The following SPAG16 variants were observed in gnomAD, a reference collection of about 807,000 sequenced individuals.
SPAG16 encodes sperm-associated antigen 16 protein.
SPAG16 carries 86 observed loss-of-function variants against 80.4 expected under a neutral mutation model. The observed-to-expected ratio is 1.07, with a 90% CI of 0.90 to 1.28. The LOEUF (loss-of-function observed/expected upper bound fraction) is 1.28. SPAG16 is among the 50% of genes most tolerant of loss of function. The pLI is 0.00. For synonymous variants in SPAG16, 294 were observed against 265.9 expected, an observed-to-expected ratio of 1.11 and a Z score of -1.03; for missense variants, 870 against 765.3, an observed-to-expected ratio of 1.14 and a Z score of -1.61.
chr2:213,704,000 T>C (rs2065625190), intron 10 of SPAG16, among the ~76,000 whole-genome samples: 1 of 152,220 alleles, frequency 6.6e-6, no homozygotes, highest in Non-Finnish European at 1.5e-5. Context: ...TACCTACTTA[T>C]TGAGAGTGTT....
intron 15 of SPAG16, among the ~76,000 whole-genome samples, chr2:214,259,288 G>T (rs1362108225): frequency 1.3e-5 from 2 of 151,470 alleles, no homozygotes; most frequent in East Asian, 3.9e-4. Context: ...TGGCTGGGTT[G>T]TTTGGCATTT....
chr2:213,368,794 G>C (rs1237538184), intron 8 of SPAG16, among the ~76,000 whole-genome samples: 1 of 152,150 alleles, frequency 6.6e-6, no homozygotes, highest in African/African-American at 2.4e-5. Context: ...GCCAAATCAT[G>C]AGTCAAATCC....
At chr2:213,879,264 T>C (rs772090746) in intron 11 of SPAG16, among the ~76,000 whole-genome samples, 6 of 152,058 alleles carry the variant, frequency 3.9e-5, no homozygotes, top group Non-Finnish European at 8.8e-5. Flanking sequence ...ATATTCATTC[T>C]TCCAATTCAT....
intron 10 of SPAG16, among the ~76,000 whole-genome samples, chr2:213,856,643 C>G (rs10932507): frequency 0.34 from 52,298 of 152,024 alleles, 9,458 homozygotes; most frequent in South Asian, 0.47. Flanking sequence ...CCCCCACAGG[C>G]CCAACACATG....
At chr2:213,773,195 A>G (rs2069363831) in intron 10 of SPAG16, among the ~76,000 whole-genome samples, 1 of 151,984 alleles carries the variant, frequency 6.6e-6, no homozygotes, top group Admixed American at 6.6e-5. Flanking sequence ...ATCATGTCTT[A>G]GTTTCAGGCA....
intron 10 of SPAG16, among the ~76,000 whole-genome samples, chr2:213,705,282 G>C (rs1278315780): frequency 6.6e-6 from 1 of 151,502 alleles, no homozygotes; most frequent in Non-Finnish European, 1.5e-5. Flanking sequence ...GAGGGAGGGA[G>C]GAAGGGAGGG....
chr2:214,284,899 T>C (rs557985671), intron 15 of SPAG16, among the ~76,000 whole-genome samples: 1 of 152,292 alleles, frequency 6.6e-6, no homozygotes, highest in East Asian at 1.9e-4. Flanking sequence ...CTTAGGTTGA[T>C]TTCATGTCTT....
intron 15 of SPAG16, among the ~76,000 whole-genome samples, chr2:214,400,606 T>G (rs769959579): frequency 1.2e-4 from 18 of 151,986 alleles, no homozygotes; most frequent in Non-Finnish European, 2.7e-4. Context: ...ACCCCATAGA[T>G]ACAGAGGAGC....
At chr2:213,854,268 A>G (rs1260760355) in intron 10 of SPAG16, among the ~76,000 whole-genome samples, 2 of 152,214 alleles carry the variant, frequency 1.3e-5, no homozygotes, top group Admixed American at 6.5e-5. Flanking sequence ...AGAAAAAAGT[A>G]TGAATGATAG....
At chr2:214,311,015 G>A (rs191530078) in intron 15 of SPAG16, among the ~76,000 whole-genome samples, 9 of 152,156 alleles carry the variant, frequency 5.9e-5, no homozygotes, top group Non-Finnish European at 1.0e-4. Flanking sequence ...GGACACTTAC[G>A]GCAACCTCCA....
At chr2:213,501,187 T>A (rs2074728101) in intron 10 of SPAG16, among the ~76,000 whole-genome samples, 1 of 152,242 alleles carries the variant, frequency 6.6e-6, no homozygotes, top group Non-Finnish European at 1.5e-5. Context: ...GTTTCTGCAA[T>A]AATTCTTGCA....
chr2:214,183,293 G>A (rs1359481903), intron 15 of SPAG16, among the ~76,000 whole-genome samples: 1 of 151,870 alleles, frequency 6.6e-6, no homozygotes, highest in African/African-American at 2.4e-5. Flanking sequence ...CCCTATTATA[G>A]ACAGACTTTC....
At chr2:213,693,364 G>A (rs1370453210) in intron 10 of SPAG16, among the ~76,000 whole-genome samples, 3 of 152,194 alleles carry the variant, frequency 2.0e-5, no homozygotes, top group African/African-American at 7.2e-5. Flanking sequence ...CCTGACTTTG[G>A]AGCAAAACCA....
intron 10 of SPAG16, among the ~76,000 whole-genome samples, chr2:213,696,401 T>A (rs183628945): frequency 6.6e-6 from 1 of 152,290 alleles, no homozygotes; most frequent in African/African-American, 2.4e-5. Context: ...CAGTACCCGA[T>A]GTCTTGTGGG....
chr2:213,792,622 T>C (rs1248145949), intron 10 of SPAG16, among the ~76,000 whole-genome samples: 1 of 147,396 alleles, frequency 6.8e-6, no homozygotes, highest in Non-Finnish European at 1.5e-5. Flanking sequence ...CTCACTCTCT[T>C]GCCCAGGCTG....
chr2:213,505,373 A>C (rs2074926879), intron 10 of SPAG16, among the ~76,000 whole-genome samples: 1 of 152,016 alleles, frequency 6.6e-6, no homozygotes, highest in South Asian at 2.1e-4. Context: ...AAATTCTACT[A>C]TATTCTGGTA....
chr2:213,902,984 T>C (rs993292283), intron 11 of SPAG16, among the ~76,000 whole-genome samples: 1 of 152,186 alleles, frequency 6.6e-6, no homozygotes, highest in African/African-American at 2.4e-5. Context: ...CTCCTTTGAC[T>C]CCAAGTCTCA....
At chr2:214,243,793 G>A (rs1374136265) in intron 15 of SPAG16, among the ~76,000 whole-genome samples, 1 of 152,012 alleles carries the variant, frequency 6.6e-6, no homozygotes, top group East Asian at 1.9e-4. Flanking sequence ...ACAATATAGA[G>A]TTTGGATTGG....
intron 10 of SPAG16, among the ~76,000 whole-genome samples, chr2:213,645,039 C>A (rs1394109974): frequency 6.6e-6 from 1 of 152,180 alleles, no homozygotes; most frequent in Admixed American, 6.5e-5. Context: ...GTATTGTATT[C>A]GGCTGAGCTA....
Sources: gnomAD v4.1 joint callset for allele counts (sites outside exome capture counted in the v4.1 genomes callset) on GRCh38, gnomAD v4.1.1 for gene constraint, MANE v1.5 for transcripts, NCBI Gene and HGNC (gene_info 2026-07-23, HGNC 2026-07-21) for gene names.